MECOM: variants seen among roughly 807,000 people sequenced by gnomAD.
MECOM encodes the protein MDS1 and EVI1 complex locus.
A neutral mutation model predicts 116.3 loss-of-function variants in MECOM; 13 were observed. The ratio of observed to expected loss-of-function variants is 0.11; its 90% CI spans 0.07 to 0.18. The LOEUF (loss-of-function observed/expected upper bound fraction) is 0.18. Ranked by LOEUF, MECOM falls within the 10% of genes least tolerant of loss-of-function variation. The pLI, the probability that MECOM is intolerant of heterozygous loss-of-function variation, is 1.00. For missense variants in MECOM, 1,299 were observed against 1,509.0 expected (o/e 0.86, Z 2.31); for synonymous variants, 528 against 535.2 (o/e 0.99, Z 0.19).
intron 1 of MECOM, among the ~76,000 whole-genome samples, chr3:169,484,499 T>G (rs1315053583): frequency 6.6e-6 from 1 of 152,228 alleles, no homozygotes; most frequent in Non-Finnish European, 1.5e-5. Context: ...CTCTGCCCAA[T>G]TCTAATGACT....
At chr3:169,576,787 T>C (rs1440094073) in intron 1 of MECOM, among the ~76,000 whole-genome samples, 2 of 148,244 alleles carry the variant, frequency 1.3e-5, no homozygotes, top group African/African-American at 5.0e-5. Flanking sequence ...AGGATTTCAC[T>C]TCCTGTTTTA....
At chr3:169,335,214 G>A (rs1394589501) in intron 2 of MECOM, among the ~76,000 whole-genome samples, 3 of 152,102 alleles carry the variant, frequency 2.0e-5, no homozygotes, top group Non-Finnish European at 4.4e-5. Context: ...CATCAGACAA[G>A]CCATATGAAA....
chr3:169,085,175 A>C, intron 16 of MECOM, 132 bp from the exon 17 acceptor site: 1 of 1,172,524 alleles, frequency 8.5e-7, no homozygotes, highest in Non-Finnish European at 1.2e-6. Flanking sequence ...TGTTTGGCAA[A>C]GAAGGCATAT....
At chr3:169,146,439 C>G in intron 2 of MECOM, 1 of 1,389,884 alleles carries the variant, frequency 7.2e-7, no homozygotes, top group Admixed American at 1.9e-5. Context: ...GAGAAGAGCG[C>G]AAGGAAAAGA....
intron 14 of MECOM, among the ~76,000 whole-genome samples, chr3:169,092,506 A>G (rs910861976): frequency 6.6e-6 from 1 of 152,028 alleles, no homozygotes; most frequent in Non-Finnish European, 1.5e-5. Context: ...TATATAATTT[A>G]TGATGTATAA....
At chr3:169,212,632 CAATG>C (rs1428137018) in intron 2 of MECOM, among the ~76,000 whole-genome samples, 19 of 55,490 alleles carry the variant, frequency 3.4e-4, no homozygotes, top group African/African-American at 5.1e-4. Flanking sequence ...TTCTAGTCAG[CAATG>C]TATATATATA....
At chr3:169,433,639 G>GAGAGAA (rs1553851604) in intron 1 of MECOM, among the ~76,000 whole-genome samples, 57 of 127,050 alleles carry the variant, frequency 4.5e-4, no homozygotes, top group African/African-American at 1.7e-3. Flanking sequence ...GAAAGAGAAA[G>GAGAGAA]AGAAAGAAAG....
chr3:169,489,688 G>A (rs745570552), intron 1 of MECOM, among the ~76,000 whole-genome samples: 7 of 152,060 alleles, frequency 4.6e-5, no homozygotes, highest in East Asian at 3.9e-4. Context: ...TTGGTTAGGC[G>A]TAGAAAAAAG....
At chr3:169,198,112 C>A (rs971751568) in intron 2 of MECOM, among the ~76,000 whole-genome samples, 1 of 151,806 alleles carries the variant, frequency 6.6e-6, no homozygotes, top group African/African-American at 2.4e-5. Context: ...TGCTAAAAAC[C>A]AAAACTTGAT....
At chr3:169,583,895 G>A (rs1352714823) in intron 1 of MECOM, among the ~76,000 whole-genome samples, 3 of 151,808 alleles carry the variant, frequency 2.0e-5, no homozygotes, top group African/African-American at 4.8e-5. Flanking sequence ...ATAAGCCACC[G>A]TGTCCAGCCA....
chr3:169,107,960 C>A lies in MECOM; in HGVS notation c.2578-8G>T. On this transcript the variant is annotated splice_polypyrimidine_tract_variant and splice_region_variant and intron_variant, in intron 9 of 16. Transcript: ENST00000651503. ...CTGATCAGGCAGTTGGAACTGGGAG[C>A]AAAATTGAAACAAAAACAAAAAATT... 2 of 1,611,988 alleles carry A rather than the reference C, an allele frequency of 1.2e-6. No individual in the cohort carries two copies. The highest frequency in any genetic ancestry group is 8.5e-7 in the Non-Finnish European group (1 of 1,178,824).
chr3:169,114,743 G>T (rs1423978702), intron 8 of MECOM, among the ~76,000 whole-genome samples: 1 of 152,024 alleles, frequency 6.6e-6, no homozygotes, highest in African/African-American at 2.4e-5. Flanking sequence ...TGCCAAAAAG[G>T]CCTTTTATTA....
intron 2 of MECOM, among the ~76,000 whole-genome samples, chr3:169,338,751 C>T (rs528837020): frequency 6.6e-6 from 1 of 152,100 alleles, no homozygotes; most frequent in Non-Finnish European, 1.5e-5. Context: ...TGTTATACTA[C>T]ACACAATCTT....
intron 2 of MECOM, among the ~76,000 whole-genome samples, chr3:169,334,486 G>T (rs1560144809): frequency 6.6e-6 from 1 of 152,108 alleles, no homozygotes; most frequent in Non-Finnish European, 1.5e-5. Context: ...TTCAGGATGG[G>T]CCTTGGGGAT....
At chr3:169,642,396 G>A (rs546833348) in intron 1 of MECOM, among the ~76,000 whole-genome samples, 31 of 149,286 alleles carry the variant, frequency 2.1e-4, no homozygotes, top group Middle Eastern at 3.5e-3. Flanking sequence ...ATTGTGAGCC[G>A]AGATCGCGCC....
chr3:169,205,907 T>G (rs1220397163), intron 2 of MECOM, among the ~76,000 whole-genome samples: 3 of 152,200 alleles, frequency 2.0e-5, no homozygotes, highest in Non-Finnish European at 4.4e-5. Context: ...ATTGAAAATG[T>G]TCACCCCAAA....
chr3:169,389,945 G>A (rs1037045432), intron 1 of MECOM, among the ~76,000 whole-genome samples: 2 of 152,176 alleles, frequency 1.3e-5, no homozygotes, highest in African/African-American at 4.8e-5. Context: ...ATCAGCATCA[G>A]GAAGGTATAG....
intron 2 of MECOM, among the ~76,000 whole-genome samples, chr3:169,358,528 CA>C (rs3980663): frequency 0.082 from 10,823 of 131,688 alleles, 436 homozygotes; most frequent in East Asian, 0.12. Flanking sequence ...TTTAGAGCCA[CA>C]AAAAAAAAAA....
intron 2 of MECOM, among the ~76,000 whole-genome samples, chr3:169,287,804 G>T (rs1713649508): frequency 1.3e-5 from 2 of 152,180 alleles, no homozygotes; most frequent in Admixed American, 1.3e-4. Context: ...TGTTCAGAAG[G>T]TTCCAGAAGC....
Sources: gnomAD v4.1 joint callset for allele counts (sites outside exome capture counted in the v4.1 genomes callset) on GRCh38, gnomAD v4.1.1 for gene constraint, MANE v1.5 for transcripts, NCBI Gene and HGNC (gene_info 2026-07-23, HGNC 2026-07-21) for gene names.